Variants in ZFHX3 observed in about 807,000 individuals in gnomAD.
ZFHX3 encodes zinc finger homeobox 3.
In ZFHX3, 42 loss-of-function variants were observed where a neutral mutation model predicts 279.1. The observed-to-expected ratio is 0.15, with a 90% confidence interval of 0.12 to 0.19. ZFHX3 has a LOEUF of 0.19. Ranked by LOEUF, ZFHX3 falls within the 10% of genes least tolerant of loss-of-function variation. The pLI, the probability that ZFHX3 is intolerant of heterozygous loss-of-function variation, is 1.00. For missense variants in ZFHX3, 4,981 were observed against 4,754.0 expected (o/e 1.05, Z -1.40); for synonymous variants, 2,293 against 1,957.8 (o/e 1.17, Z -4.52).
chr16:73,485,899 C>T (rs2018965823), intron 2 of ZFHX3, among the ~76,000 whole-genome samples: 1 of 152,168 alleles, frequency 6.6e-6, no homozygotes, highest in African/African-American at 2.4e-5. Flanking sequence ...GTGCCTAGTG[C>T]CGGAACTTAT....
intron 2 of ZFHX3, chr16:73,609,039 A>G (rs2052219356): frequency 6.6e-6 from 1 of 152,194 alleles, no homozygotes; most frequent in Non-Finnish European, 1.5e-5. Flanking sequence ...AAACTTTGTA[A>G]CAATCTGATG....
At chr16:73,332,679 G>A (rs1414804223) in intron 3 of ZFHX3, among the ~76,000 whole-genome samples, 1 of 152,194 alleles carries the variant, frequency 6.6e-6, no homozygotes, top group Non-Finnish European at 1.5e-5. Context: ...AAAAACTTAT[G>A]TGGACCTGGG....
intron 2 of ZFHX3, among the ~76,000 whole-genome samples, chr16:73,534,968 G>C (rs2019870361): frequency 6.6e-6 from 1 of 152,018 alleles, no homozygotes. Flanking sequence ...GAGGAAGCAG[G>C]CCCCATAGCC....
At chr16:73,107,888 G>A (rs1966323291) in intron 7 of ZFHX3, among the ~76,000 whole-genome samples, 2 of 152,152 alleles carry the variant, frequency 1.3e-5, no homozygotes, top group South Asian at 2.1e-4. Context: ...TGGGCTGGGC[G>A]CAGTGGCTCA....
At chr16:73,037,303 C>T (rs1344837354) in intron 1 of ZFHX3, among the ~76,000 whole-genome samples, 1 of 152,152 alleles carries the variant, frequency 6.6e-6, no homozygotes, top group Non-Finnish European at 1.5e-5. Flanking sequence ...TAAAATTCTG[C>T]ATCTCTTTAA....
At chr16:73,285,177 T>C (rs991429577) in intron 4 of ZFHX3, among the ~76,000 whole-genome samples, 2 of 152,206 alleles carry the variant, frequency 1.3e-5, no homozygotes, top group African/African-American at 4.8e-5. Flanking sequence ...AAAGGGTGGT[T>C]CTCTTTGCTA....
At chr16:73,163,778 T>A (rs1567406973) in intron 5 of ZFHX3, among the ~76,000 whole-genome samples, 1 of 152,174 alleles carries the variant, frequency 6.6e-6, no homozygotes, top group African/African-American at 2.4e-5. Flanking sequence ...GATGGAATAA[T>A]CCAAGGGTAT....
intron 4 of ZFHX3, among the ~76,000 whole-genome samples, chr16:73,284,897 C>T (rs1027770506): frequency 1.3e-5 from 2 of 152,124 alleles, no homozygotes; most frequent in Admixed American, 1.3e-4. Flanking sequence ...GGCTGGAGAG[C>T]ACTGGTGTGA....
At chr16:73,715,465 G>A (rs1427778787) in intron 1 of ZFHX3, among the ~76,000 whole-genome samples, 1 of 151,272 alleles carries the variant, frequency 6.6e-6, no homozygotes, top group Non-Finnish European at 1.5e-5. Context: ...CTCACAACCT[G>A]TGAGAGAGCT....
At chr16:72,828,222 A>G (rs2036979924) in intron 5 of ZFHX3, among the ~76,000 whole-genome samples, 1 of 152,216 alleles carries the variant, frequency 6.6e-6, no homozygotes, top group Non-Finnish European at 1.5e-5. Context: ...TCTCAAAAAC[A>G]AAAGTATTGT....
intron 1 of ZFHX3, among the ~76,000 whole-genome samples, chr16:73,762,529 T>C (rs972483625): frequency 3.9e-5 from 6 of 152,200 alleles, no homozygotes; most frequent in Non-Finnish European, 7.3e-5. Context: ...CATGCACAAG[T>C]ATGCTCATTG....
At chr16:73,340,089 A>T (rs553903238) in intron 3 of ZFHX3, among the ~76,000 whole-genome samples, 15 of 152,184 alleles carry the variant, frequency 9.9e-5, no homozygotes, top group Non-Finnish European at 2.1e-4. Context: ...AGGGAGACTC[A>T]CGGAGGTAAC....
At chr16:72,955,686 G>A (rs1378253668) in intron 2 of ZFHX3, among the ~76,000 whole-genome samples, 3 of 149,382 alleles carry the variant, frequency 2.0e-5, no homozygotes, top group African/African-American at 7.4e-5. Context: ...GCTCTGGCAG[G>A]AGAATCGCTT....
At chr16:73,802,814 G>A (rs183855693) in intron 1 of ZFHX3, among the ~76,000 whole-genome samples, 2 of 152,090 alleles carry the variant, frequency 1.3e-5, no homozygotes, top group Non-Finnish European at 2.9e-5. Flanking sequence ...AAAGCATTAT[G>A]ATTTCTTTTT....
At chr16:72,887,866 T>C (rs1042129114) in intron 4 of ZFHX3, among the ~76,000 whole-genome samples, 5 of 151,694 alleles carry the variant, frequency 3.3e-5, no homozygotes, top group Admixed American at 6.6e-5. Context: ...GCAGAGAAAG[T>C]GTATGTGTGT....
intron 2 of ZFHX3, among the ~76,000 whole-genome samples, chr16:73,481,716 C>G (rs2018873682): frequency 6.6e-6 from 1 of 152,104 alleles, no homozygotes; most frequent in African/African-American, 2.4e-5. Context: ...TGGTCTCAAA[C>G]TCTTGGCCTC....
chr16:73,873,516 C>G (rs2029875772), intron 1 of ZFHX3, among the ~76,000 whole-genome samples: 1 of 152,150 alleles, frequency 6.6e-6, no homozygotes, highest in Admixed American at 6.5e-5. Context: ...ACACCAATGG[C>G]TCAGAAATGA....
intron 3 of ZFHX3, among the ~76,000 whole-genome samples, chr16:72,945,733 C>G (rs1482762352): frequency 6.6e-6 from 1 of 152,078 alleles, no homozygotes; most frequent in Non-Finnish European, 1.5e-5. Context: ...AATCCCGACG[C>G]AAACCATATG....
At chr16:73,884,182 A>G (rs1032949172) in intron 1 of ZFHX3, among the ~76,000 whole-genome samples, 1 of 152,170 alleles carries the variant, frequency 6.6e-6, no homozygotes, top group Non-Finnish European at 1.5e-5. Flanking sequence ...CTCATTGTGT[A>G]TCAGGCCTGT....
Sources: allele counts gnomAD v4.1 joint callset (sites outside exome capture counted in the v4.1 genomes callset), GRCh38; gene constraint gnomAD v4.1.1; transcripts MANE v1.5; gene names NCBI Gene and HGNC (gene_info 2026-07-23, HGNC 2026-07-21).